N4BP2: variants seen among roughly 807,000 people sequenced by gnomAD.
The protein encoded by N4BP2 is NEDD4 binding protein 2.
N4BP2 carries 91 observed loss-of-function variants against 152.8 expected under a neutral mutation model. The ratio of observed to expected loss-of-function variants is 0.60; its 90% confidence interval spans 0.50 to 0.71. N4BP2 has a LOEUF of 0.71. N4BP2 is among the 30% of genes least tolerant of loss of function. The pLI is 0.00. For missense variants in N4BP2, 1,923 were observed against 2,059.1 expected (o/e 0.93, Z 1.28); for synonymous variants, 646 against 705.3 (o/e 0.92, Z 1.33).
Position 40,124,180 on chromosome 4 carries a change from G to A in N4BP2, c.4305G>A (p.Glu1435=), listed in dbSNP as rs758996376. 29 of 1,608,538 alleles carry A rather than the reference G, an allele frequency of 1.8e-5. No individual in the cohort carries two copies. The highest frequency in any genetic ancestry group is 2.4e-5 in the Non-Finnish European group (28 of 1,176,390). Residue 1435 remains glutamate (E), a synonymous_variant, in exon 11 of 18, where the codon GAG becomes GAA. Transcript: ENST00000261435. ...ESVMERQRQE[E]VSCGKFMQDP... is the part of the protein sequence containing the mutation. ...TTTAGGAGCGACAAAGACAAGAAGA[G>A]GTGTCTTGTGGCAAGTTTATGCAAG...
At chr4:40,086,870 C>A (rs1714020862) in intron 2 of N4BP2, among the ~76,000 whole-genome samples, 1 of 152,028 alleles carries the variant, frequency 6.6e-6, no homozygotes, top group South Asian at 2.1e-4. Flanking sequence ...ATCTCAGCCT[C>A]CTGAGTAGCT....
At chr4:40,141,970 G>T (rs1720031386) in intron 14 of N4BP2, among the ~76,000 whole-genome samples, 3 of 151,732 alleles carry the variant, frequency 2.0e-5, no homozygotes, top group South Asian at 2.1e-4. Flanking sequence ...TGCCTGCAAT[G>T]GCAGGCACTC....
At chr4:40,106,728 T>C (rs1716334078) in intron 4 of N4BP2, among the ~76,000 whole-genome samples, 172 bp from the exon 5 acceptor site, 1 of 152,052 alleles carries the variant, frequency 6.6e-6, no homozygotes, top group Non-Finnish European at 1.5e-5. Context: ...TTTGTATGTT[T>C]AGTAGAGATG....
At chr4:40,092,466 G>GTAATCAAA (rs1211543290) in intron 2 of N4BP2, among the ~76,000 whole-genome samples, 5 of 151,626 alleles carry the variant, frequency 3.3e-5, no homozygotes, top group Non-Finnish European at 7.4e-5. Context: ...ATATCTGCAA[G>GTAATCAAA]GTCTATAGTA....
intron 3 of N4BP2, among the ~76,000 whole-genome samples, chr4:40,098,427 C>T (rs1421193054): frequency 6.6e-6 from 1 of 152,130 alleles, no homozygotes; most frequent in East Asian, 1.9e-4. Flanking sequence ...TTATTAATAA[C>T]TTGTCATACA....
At chr4:40,127,063 T>C (rs80051645) in intron 12 of N4BP2, among the ~76,000 whole-genome samples, 9,613 of 151,372 alleles carry the variant, frequency 0.064, 339 homozygotes, top group East Asian at 0.13. Flanking sequence ...CCACGAATTT[T>C]TGAATTTATT....
intron 1 of N4BP2, among the ~76,000 whole-genome samples, chr4:40,057,494 C>A (rs993111901): frequency 2.6e-5 from 4 of 152,166 alleles, no homozygotes; most frequent in Admixed American, 6.5e-5. Context: ...CCTAGCAGAG[C>A]CGTTTATTTA....
At chr4:40,177,659 CT>C in the N4BP2 span, among the ~76,000 whole-genome samples, 3 of 151,876 alleles carry the variant, frequency 2.0e-5, no homozygotes, top group African/African-American at 7.3e-5. Context: ...AGACTTCTAC[CT>C]CAACTAGAGC....
At chr4:40,091,602 C>CT (rs35142277) in intron 2 of N4BP2, among the ~76,000 whole-genome samples, 23,139 of 80,528 alleles carry the variant, frequency 0.29, 4,195 homozygotes, top group Non-Finnish European at 0.36. Flanking sequence ...GTATACAATC[C>CT]TTTTTTTTTT....
At chr4:40,188,604 C>T in the N4BP2 span, among the ~76,000 whole-genome samples, 3 of 151,788 alleles carry the variant, frequency 2.0e-5, no homozygotes, top group Non-Finnish European at 2.9e-5. Context: ...ATTAGCTGGG[C>T]GGGGTGGTGT....
intron 5 of N4BP2, among the ~76,000 whole-genome samples, 195 bp from the exon 6 acceptor site, chr4:40,111,889 T>G (rs376468550): frequency 6.6e-6 from 1 of 152,184 alleles, no homozygotes; most frequent in Non-Finnish European, 1.5e-5. Flanking sequence ...GTGCTGGGAT[T>G]ATGGGCATGA....
chr4:40,158,686 C>T (rs944005571), downstream of N4BP2, among the ~76,000 whole-genome samples: 2 of 151,818 alleles, frequency 1.3e-5, no homozygotes, highest in Non-Finnish European at 2.9e-5. Flanking sequence ...GGCATGAGAA[C>T]TGCTTGAGCC....
In N4BP2 at chr4:40,097,379, T is replaced by G. The variant is rs778216034; in HGVS notation, c.39T>G (p.Phe13Leu). ...GGAAAAATCTTGGGGGAAATCCTTT[T>G]CGGAAGACTGCAAACCCTAAGGAAG... ...RRRKNLGGNP[F>L]RKTANPKEVV... Residue 13 changes from phenylalanine (F) to leucine (L), a missense_variant, in exon 3 of 18, where the codon TTT (phenylalanine) becomes TTG (leucine). Physicochemically the swap from Phe to Leu is conservative, Grantham distance 22. Coordinates refer to ENST00000261435, the MANE Select transcript of N4BP2 (RefSeq NM_018177.6). 1.9e-6 allele frequency: 3 copies of G among 1,614,102 alleles called. No homozygotes were observed. The Admixed American group carries it at 5.0e-5, about 27-fold the overall frequency.
At position 40,136,997 on chromosome 4, in the gene N4BP2, C is replaced by T. The variant is rs780286893; in HGVS notation, c.4700C>T (p.Pro1567Leu). 4.5e-5 allele frequency: 72 copies of T among 1,613,432 alleles called. No individual in the cohort carries two copies. In the Admixed American group the frequency reaches 1.1e-3, roughly 25 times the overall value. ...CTTAACTGTGTTCTTGAAGGGGACC[C>T]TGTAAAAACAGTTGTAGCCCAAGAG... ...QFLNCVLEGD[P>L]VKTVVAQEFV... The change falls in exon 14 of 18, where the codon CCT (proline) becomes CTT (leucine). Residue 1567 changes from proline (P) to leucine (L), a missense_variant. Coordinates refer to ENST00000261435, the MANE Select transcript of N4BP2 (RefSeq NM_018177.6).
chr4:40,124,368 A>G (rs570791463), intron 11 of N4BP2, among the ~76,000 whole-genome samples, 163 bp downstream of exon 11: 6 of 152,230 alleles, frequency 3.9e-5, no homozygotes, highest in Admixed American at 3.3e-4. Flanking sequence ...TTATTTAGAG[A>G]TGGAGTCTTG....
chr4:40,074,503 C>T (rs1712532931), intron 2 of N4BP2, among the ~76,000 whole-genome samples: 1 of 152,000 alleles, frequency 6.6e-6, no homozygotes, highest in South Asian at 2.1e-4. Flanking sequence ...GCCACCACGC[C>T]TGGCCTACAC....
At chr4:40,149,185 G>A (rs1720902662) in intron 16 of N4BP2, among the ~76,000 whole-genome samples, 1 of 152,226 alleles carries the variant, frequency 6.6e-6, no homozygotes, top group Non-Finnish European at 1.5e-5. Flanking sequence ...ACAGCCAAAA[G>A]GTGGTGGTAA....
intron 1 of N4BP2, among the ~76,000 whole-genome samples, chr4:40,070,819 T>G (rs1269873843): frequency 6.6e-6 from 1 of 150,976 alleles, no homozygotes; most frequent in Non-Finnish European, 1.5e-5. Context: ...CTGTGTGGTG[T>G]TTTTTTTTCT....
intron 17 of N4BP2, among the ~76,000 whole-genome samples, chr4:40,153,759 T>C (rs2109292229): frequency 6.6e-6 from 1 of 152,338 alleles, no homozygotes; most frequent in East Asian, 1.9e-4. Context: ...TTGAGATTAA[T>C]TATCTATTTT....
Sources: allele counts gnomAD v4.1 joint callset (sites outside exome capture counted in the v4.1 genomes callset), GRCh38; gene constraint gnomAD v4.1.1; transcripts MANE v1.5; gene names NCBI Gene and HGNC (gene_info 2026-07-23, HGNC 2026-07-21).